PACSIN2: variants seen among roughly 807,000 people sequenced by gnomAD.
PACSIN2 encodes protein kinase C and casein kinase substrate in neurons 2, also known as protein kinase C and casein kinase substrate in neurons protein 2.
PACSIN2 carries 25 observed loss-of-function variants against 63.8 expected under a neutral mutation model. The ratio of observed to expected loss-of-function variants is 0.39; its 90% CI spans 0.29 to 0.55. The LOEUF (loss-of-function observed/expected upper bound fraction) is 0.55, where lower values mean the gene tolerates loss of function less well. Ranked by LOEUF, PACSIN2 falls within the 20% of genes least tolerant of loss-of-function variation. PACSIN2 has a pLI of 0.62. For missense variants in PACSIN2, 518 were observed against 646.9 expected, an observed-to-expected ratio of 0.80 and a Z score of 2.16; for synonymous variants, 255 against 256.2, an observed-to-expected ratio of 1.00 and a Z score of 0.05.
In PACSIN2 at chr22:42,870,601, A is replaced by G. The variant is rs1339700044; in HGVS notation, c.*756T>C. The G allele has an allele frequency of 6.6e-6, 1 of 152,212 alleles. No individual in the cohort carries two copies. Among genetic ancestry groups the G allele is most frequent in the Non-Finnish European group, 1.5e-5 (1 of 68,046 alleles). 9.4% of individuals were successfully genotyped at this position (152,212 alleles called of 1,614,324 possible). On this transcript the variant is annotated 3_prime_UTR_variant, in exon 11 of 11. Coordinates refer to ENST00000263246, the MANE Select transcript of PACSIN2 (RefSeq NM_001184970.3). ...AAATTGTTAATTTGCAAAAGAGTAC[A>G]GTTTTAAGCAAGAATAGAGTGAAAA...
At chr22:42,878,283 A>G (rs940550276) in intron 8 of PACSIN2, among the ~76,000 whole-genome samples, 4 of 152,200 alleles carry the variant, frequency 2.6e-5, no homozygotes, top group Non-Finnish European at 5.9e-5. Context: ...ACAGCGTGCA[A>G]AGCAGCGGAA....
chr22:42,991,819 A>C (rs1311617554), intron 1 of PACSIN2, among the ~76,000 whole-genome samples: 6 of 152,182 alleles, frequency 3.9e-5, no homozygotes, highest in Admixed American at 3.3e-4. Context: ...AGACAAAAAA[A>C]AAAAAAAAAA....
At chr22:43,014,380 C>G (rs56135216) in intron 1 of PACSIN2, among the ~76,000 whole-genome samples, 4 of 134,802 alleles carry the variant, frequency 3.0e-5, no homozygotes, top group African/African-American at 1.1e-4. Flanking sequence ...CCCCCCCCCC[C>G]GGGACACGGA....
chr22:42,956,648 C>G lies in PACSIN2; in HGVS notation c.-77-44491G>C, dbSNP rs370816929. ...AGTCTTAGAGAAGGTTCTGAGGCCA[C>G]TTCTAGAATCTGGTCTGGAGAGCTG... On this transcript the variant is annotated intron_variant, in intron 1 of 10. Coordinates refer to ENST00000263246, the MANE Select transcript of PACSIN2 (RefSeq NM_001184970.3). Among the ~76,000 whole-genome samples, 133 of 152,264 alleles carry G rather than the reference C, an allele frequency of 8.7e-4. 4 individuals carry two copies. In the South Asian group the frequency reaches 0.027, roughly 31 times the overall value.
chr22:42,977,773 C>G (rs965371529), intron 1 of PACSIN2, among the ~76,000 whole-genome samples: 2 of 152,264 alleles, frequency 1.3e-5, no homozygotes, highest in Non-Finnish European at 1.5e-5. Context: ...CACTTCCCCC[C>G]TCACGCTCTC....
intron 1 of PACSIN2, among the ~76,000 whole-genome samples, chr22:43,007,210 C>A (rs781723104): frequency 2.6e-5 from 4 of 151,752 alleles, no homozygotes; most frequent in South Asian, 4.2e-4. Flanking sequence ...CTCACACACA[C>A]CTCTTGTTCT....
At position 42,905,054 on chromosome 22, in the gene PACSIN2, C is replaced by T. The variant is rs184444045; in HGVS notation, c.60+6967G>A. Among the ~76,000 whole-genome samples the T allele has an allele frequency of 3.3e-5, 5 of 152,328 alleles. No homozygotes were observed. The East Asian group carries it at 9.6e-4, about 29-fold the overall frequency. On this transcript the variant is annotated intron_variant, in intron 2 of 10. Coordinates refer to ENST00000263246, the MANE Select transcript of PACSIN2 (RefSeq NM_001184970.3). ...GTTTTAAAAAGTTATTCTGACATCA[C>T]TGAGATCAAATAAGAAAATAAAATT...
intron 1 of PACSIN2, among the ~76,000 whole-genome samples, chr22:42,965,873 A>T (rs956921445): frequency 1.3e-5 from 2 of 152,192 alleles, no homozygotes; most frequent in African/African-American, 4.8e-5. Flanking sequence ...TCTCTCTTCA[A>T]ATAAGTAAAT....
rs1446371271 is a variant in PACSIN2, at chr22:42,884,139, C to T, written c.785+247G>A. On this transcript the variant is annotated intron_variant, in intron 6 of 10. Coordinates refer to ENST00000263246, the MANE Select transcript of PACSIN2 (RefSeq NM_001184970.3). ...GTGGGCCCGGCCTTATCTGCTTGGG[C>T]CAGCAATTGGCCGGGTCAACCAGGC... is the stretch of plus-strand genomic sequence containing the variant. Among the ~76,000 whole-genome samples the T allele has an allele frequency of 4.6e-5, 7 of 152,326 alleles. No homozygotes were observed. The East Asian group carries it at 7.7e-4, about 17-fold the overall frequency.
Position 42,871,503 on chromosome 22 carries a change from G to A in PACSIN2, c.1349-34C>T, listed in dbSNP as rs1205352569. On this transcript the variant is annotated intron_variant, in intron 10 of 10. Transcript: ENST00000263246. This position sits in a 1 kb window ranked among gnomAD's most constrained non-coding sequence, Gnocchi z 5.4. ...CAAAGAGGGAGCCGTCTCCATGAGA[G>A]GTATGACACCGACGGTGGGCTACAG... 1.3e-6 allele frequency: 2 copies of A among 1,498,292 alleles called. No individual in the cohort carries two copies. The highest frequency in any genetic ancestry group is 2.3e-5 in the East Asian group (1 of 44,374). The allele number at this position is 1,498,292 out of a possible 1,614,324, so 92.8% of individuals were successfully genotyped here.
intron 1 of PACSIN2, among the ~76,000 whole-genome samples, chr22:42,981,897 A>G (rs1601601401): frequency 1.2e-5 from 1 of 81,084 alleles, no homozygotes; most frequent in South Asian, 5.9e-4. Context: ...CCGCCTGGCC[A>G]GCCGCCCCGT....
chr22:42,984,151 T>C lies in PACSIN2; in HGVS notation c.-78+30870A>G, dbSNP rs118060347. Among the ~76,000 whole-genome samples, 497 of 152,008 alleles carry C rather than the reference T, an allele frequency of 3.3e-3. 17 individuals are homozygous for C. In the East Asian group the frequency reaches 0.083, roughly 25 times the overall value. The stretch of plus-strand genomic sequence containing the variant: ...ACATCTGGCTAATTTTTATGTTTTT[T>C]TGTAGAGACGGAGTTTCGCCATGTT... On this transcript the variant is annotated intron_variant, in intron 1 of 10. Transcript: ENST00000263246.
chr22:42,995,071 T>C (rs979053225), intron 1 of PACSIN2, among the ~76,000 whole-genome samples: 1 of 151,828 alleles, frequency 6.6e-6, no homozygotes. Context: ...GGGGACAATG[T>C]CCCCCCTCCC....
rs1569350272 is a variant in PACSIN2, at chr22:42,982,881, A to ACAAAAACAAAAC, written c.-78+32139_-78+32140insGTTTTGTTTTTG. On this transcript the variant is annotated intron_variant, in intron 1 of 10. Coordinates refer to ENST00000263246, the MANE Select transcript of PACSIN2 (RefSeq NM_001184970.3). ...AAAGAATGATCAATAAAAAAAAAAA[A>ACAAAAACAAAAC]AAAAAAAAACAACAACAAGGCTAGG... 1.4e-3 allele frequency among the ~76,000 whole-genome samples: 183 copies of ACAAAAACAAAAC among 134,216 alleles called. 4 individuals carry two copies. Among genetic ancestry groups the ACAAAAACAAAAC allele is most frequent in the African/African-American group, 5.2e-3 (179 of 34,290 alleles). The allele number at this position is 134,216 out of a possible 152,430, so 88.1% of individuals were successfully genotyped here.
At chr22:42,987,787 G>A (rs1035349088) in intron 1 of PACSIN2, among the ~76,000 whole-genome samples, 2 of 151,746 alleles carry the variant, frequency 1.3e-5, no homozygotes, top group African/African-American at 4.8e-5. Flanking sequence ...ACCCACCTCC[G>A]CCTCCCAAAG....
chr22:42,917,835 G>A (rs879870438), intron 1 of PACSIN2, among the ~76,000 whole-genome samples: 29 of 151,718 alleles, frequency 1.9e-4, no homozygotes, highest in African/African-American at 5.8e-4. Context: ...ATGTTGCCCC[G>A]GCTGGCCTTT....
chr22:43,004,550 C>T (rs772011563), intron 1 of PACSIN2, among the ~76,000 whole-genome samples: 6 of 152,210 alleles, frequency 3.9e-5, no homozygotes, highest in Non-Finnish European at 5.9e-5. Context: ...GACGTCTGTA[C>T]AGGGAGCACT....
At chr22:42,881,888 A>T (rs1038394434) in intron 7 of PACSIN2, among the ~76,000 whole-genome samples, 1 of 152,106 alleles carries the variant, frequency 6.6e-6, no homozygotes, top group African/African-American at 2.4e-5. Flanking sequence ...ACGGCTCCTG[A>T]GACTGACTAG....
At chr22:42,982,887 AAAAC>A (rs1245722593) in intron 1 of PACSIN2, among the ~76,000 whole-genome samples, 22 of 129,498 alleles carry the variant, frequency 1.7e-4, no homozygotes, top group African/African-American at 5.6e-4. Context: ...AAAAAAAAAA[AAAAC>A]AACAACAAGG....
Sources: gnomAD v4.1 joint callset for allele counts (sites outside exome capture counted in the v4.1 genomes callset) on GRCh38, gnomAD v4.1.1 for gene constraint, Gnocchi (gnomAD v3.1) non-coding constraint, MANE v1.5 for transcripts, NCBI Gene and HGNC (gene_info 2026-07-23, HGNC 2026-07-21) for gene names.